The following ANKRD44 variants were observed in gnomAD, a reference collection of about 807,000 sequenced individuals.
ANKRD44 encodes the protein ankyrin repeat domain 44, also known as serine/threonine-protein phosphatase 6 regulatory ankyrin repeat subunit B.
Under a neutral mutation model 116.0 loss-of-function variants are expected in ANKRD44, and 35 were observed. The ratio of observed to expected loss-of-function variants is 0.30; its 90% CI spans 0.23 to 0.40. The LOEUF (loss-of-function observed/expected upper bound fraction) is 0.40, where lower values mean the gene tolerates loss of function less well. Among genes scored for constraint, ANKRD44 ranks in the 10% least tolerant of loss-of-function variants. The probability of loss-of-function intolerance (pLI) is 1.00; values close to 1 mark genes in which losing one functional copy is unlikely to be tolerated. For synonymous variants in ANKRD44, 435 were observed against 461.8 expected, an observed-to-expected ratio of 0.94 and a Z score of 0.74; for missense variants, 1,014 against 1,242.6, an observed-to-expected ratio of 0.82 and a Z score of 2.77.
At chr2:197,209,304 C>T (rs1324583611) in intron 1 of ANKRD44, among the ~76,000 whole-genome samples, 2 of 152,176 alleles carry the variant, frequency 1.3e-5, no homozygotes, top group African/African-American at 4.8e-5. Context: ...TTTTAGTTGG[C>T]ATCCTGCTTC....
chr2:197,055,924 T>C (rs1189449081), intron 16 of ANKRD44, among the ~76,000 whole-genome samples: 2 of 152,210 alleles, frequency 1.3e-5, no homozygotes, highest in Non-Finnish European at 2.9e-5. Context: ...AGGGTCTTGC[T>C]ATGTCACCAG....
At chr2:197,242,233 T>C (rs1559178322) in intron 1 of ANKRD44, among the ~76,000 whole-genome samples, 1 of 152,184 alleles carries the variant, frequency 6.6e-6, no homozygotes, top group African/African-American at 2.4e-5. Context: ...TACTAATTGA[T>C]AAACAGTACA....
At chr2:197,170,838 A>G (rs2080214724) in intron 2 of ANKRD44, among the ~76,000 whole-genome samples, 1 of 152,156 alleles carries the variant, frequency 6.6e-6, no homozygotes, top group African/African-American at 2.4e-5. Flanking sequence ...GCATCAGAGA[A>G]GCGGCTTCAT....
chr2:197,018,336 T>A (rs2076430558), intron 17 of ANKRD44, among the ~76,000 whole-genome samples: 1 of 152,266 alleles, frequency 6.6e-6, no homozygotes, highest in Admixed American at 6.5e-5. Flanking sequence ...TTTCAGCATG[T>A]CCCCTCACTC....
At chr2:196,982,417 A>T (rs992100804), downstream of ANKRD44, among the ~76,000 whole-genome samples, 1 of 151,970 alleles carries the variant, frequency 6.6e-6, no homozygotes, top group Admixed American at 6.6e-5. Flanking sequence ...CTTGGAGTAA[A>T]CTTGCGAGAC....
chr2:197,125,448 G>T lies in ANKRD44; in HGVS notation c.483C>A (p.Ala161=). ...GHVEMVNLLL[A]KGANINAFDK... ...CAAATGCATTGATATTTGCCCCTTTGGCCAAGAGTAAATTGACCATCTGAA... is the reference window on the plus strand; with the variant it reads ...CAAATGCATTGATATTTGCCCCTTTTGCCAAGAGTAAATTGACCATCTGAA... Residue 161 remains alanine (A), a synonymous_variant, in exon 6 of 28, where the codon GCC becomes GCA. Transcript: ENST00000282272. 1 of 1,613,894 alleles carries T rather than the reference G, an allele frequency of 6.2e-7. No individual in the cohort carries two copies. Among genetic ancestry groups the T allele is most frequent in the Non-Finnish European group, 8.5e-7 (1 of 1,180,030 alleles).
chr2:197,158,820 G>A (rs1446130525), intron 2 of ANKRD44, among the ~76,000 whole-genome samples: 3 of 152,148 alleles, frequency 2.0e-5, no homozygotes, highest in Non-Finnish European at 2.9e-5. Context: ...TCCACCATAC[G>A]CCAAGCACCG....
intron 12 of ANKRD44, among the ~76,000 whole-genome samples, chr2:197,087,596 T>C (rs1440018537): frequency 1.3e-5 from 2 of 152,154 alleles, no homozygotes; most frequent in African/African-American, 2.4e-5. Flanking sequence ...ATAAGAAAAA[T>C]GATCTCAATG....
intron 1 of ANKRD44, among the ~76,000 whole-genome samples, chr2:197,206,906 T>G (rs1574273483): frequency 1.3e-5 from 2 of 152,322 alleles, no homozygotes; most frequent in East Asian, 3.9e-4. Flanking sequence ...CTCATGTTCA[T>G]ACATAACAGT....
chr2:197,060,741 T>G (rs2077294325), intron 16 of ANKRD44, among the ~76,000 whole-genome samples: 2 of 152,216 alleles, frequency 1.3e-5, no homozygotes, highest in South Asian at 4.1e-4. Context: ...TTTTATGAGT[T>G]CAACTTTTTT....
At chr2:196,977,027 TG>T (rs1468459818) in intron 21 of ANKRD44, among the ~76,000 whole-genome samples, 1 of 152,180 alleles carries the variant, frequency 6.6e-6, no homozygotes, top group Non-Finnish European at 1.5e-5. Context: ...TTCTATATAC[TG>T]GCAATGAACA....
chr2:197,180,134 C>T (rs1477499308), intron 2 of ANKRD44, among the ~76,000 whole-genome samples: 2 of 151,950 alleles, frequency 1.3e-5, no homozygotes, highest in East Asian at 3.9e-4. Flanking sequence ...CTGCTCTTCC[C>T]AGAACACTGG....
chr2:197,105,663 T>C (rs1427804270), intron 9 of ANKRD44, among the ~76,000 whole-genome samples: 2 of 152,236 alleles, frequency 1.3e-5, no homozygotes, highest in Non-Finnish European at 2.9e-5. Context: ...AAGTTAGTTA[T>C]TGTGATCGTC....
At chr2:197,249,386 G>A (rs1342175874) in intron 1 of ANKRD44, among the ~76,000 whole-genome samples, 3 of 152,274 alleles carry the variant, frequency 2.0e-5, no homozygotes, top group South Asian at 2.1e-4. Flanking sequence ...GGGCAAGATC[G>A]GTATTATTAA....
chr2:197,259,687 T>C (rs74489219), intron 1 of ANKRD44, among the ~76,000 whole-genome samples: 5,512 of 152,276 alleles, frequency 0.036, 299 homozygotes, highest in African/African-American at 0.12. Flanking sequence ...GTGCTGAGCT[T>C]GGCACTAGAG....
At chr2:197,120,524 G>A (rs551543719) in intron 8 of ANKRD44, among the ~76,000 whole-genome samples, 2 of 152,184 alleles carry the variant, frequency 1.3e-5, no homozygotes, top group Middle Eastern at 6.8e-3. Context: ...GGTGGTGCAT[G>A]TCTGTAATCC....
At chr2:197,043,480 T>C (rs572524861) in intron 16 of ANKRD44, among the ~76,000 whole-genome samples, 1 of 152,196 alleles carries the variant, frequency 6.6e-6, no homozygotes, top group Non-Finnish European at 1.5e-5. Flanking sequence ...AGCACTGAGA[T>C]GACAAGCATG....
Position 197,007,878 on chromosome 2 carries a change from A to C in ANKRD44, c.2058T>G (p.Val686=). 6.2e-7 allele frequency: 1 copy of C among 1,614,086 alleles called. No individual in the cohort carries two copies. Among genetic ancestry groups the C allele is most frequent in the Non-Finnish European group, 8.5e-7 (1 of 1,179,978 alleles). The change falls in exon 20 of 28, where the codon GTT becomes GTG. Residue 686 remains valine (V), a synonymous_variant. Transcript: ENST00000282272. ...LAVAYGHIDA[V]SLLLEKEANV... is the part of the protein sequence containing the mutation. ...TGGCTTCCTTTTCAAGTAACAATGA[A>C]ACAGCGTCAATATGTCCATATGCTA...
chr2:197,197,809 CAAAAA>C (rs199994103), intron 1 of ANKRD44, among the ~76,000 whole-genome samples: 10 of 114,170 alleles, frequency 8.8e-5, no homozygotes, highest in Admixed American at 3.7e-4. Flanking sequence ...AATCCTGTCT[CAAAAA>C]AAAAAAAAAA....
Sources: allele counts gnomAD v4.1 joint callset (sites outside exome capture counted in the v4.1 genomes callset), GRCh38; gene constraint gnomAD v4.1.1; transcripts MANE v1.5; gene names NCBI Gene and HGNC (gene_info 2026-07-23, HGNC 2026-07-21).